Variants in MANSC4 observed in about 807,000 individuals in gnomAD.
MANSC4 encodes the protein MANSC domain-containing protein 4.
Under a neutral mutation model 11.4 loss-of-function variants are expected in MANSC4, and 11 were observed. The observed-to-expected ratio is 0.97, with a 90% CI of 0.61 to 1.60. The LOEUF (loss-of-function observed/expected upper bound fraction) is 1.60. Among genes scored for constraint, MANSC4 ranks in the 40% most tolerant of loss-of-function variants. The probability of loss-of-function intolerance (pLI) is 0.00; values close to 1 mark genes in which losing one functional copy is unlikely to be tolerated. For synonymous variants in MANSC4, 123 were observed against 147.1 expected (o/e 0.84, Z 1.19); for missense variants, 354 against 404.6 (o/e 0.88, Z 1.07).
chr12:27,766,952 T>C (rs2062074979), intron 2 of MANSC4, among the ~76,000 whole-genome samples, 153 bp from the exon 3 acceptor site: 1 of 152,228 alleles, frequency 6.6e-6, no homozygotes, highest in Non-Finnish European at 1.5e-5. Flanking sequence ...TTATAAACTA[T>C]TGTAACTGCT....
rs1334428464 is a variant in MANSC4, at chr12:27,763,399, G to A, written c.365-3C>T. On this transcript the variant is annotated splice_region_variant and splice_polypyrimidine_tract_variant and intron_variant, in intron 3 of 3. Transcript: ENST00000381273. ...AACCAGCAAATCCGGATCTATACCTGAAAAATAAATAAGGCATCATTCATT... is the reference window on the plus strand; with the variant it reads ...AACCAGCAAATCCGGATCTATACCTAAAAAATAAATAAGGCATCATTCATT... 2 of 1,530,572 alleles carry A rather than the reference G, an allele frequency of 1.3e-6. No individual in the cohort carries two copies. Among genetic ancestry groups the A allele is most frequent in the Non-Finnish European group, 1.8e-6 (2 of 1,137,672 alleles). The allele number at this position is 1,530,572 out of a possible 1,614,324, so 94.8% of individuals were successfully genotyped here.
chr12:27,776,219 G>C (rs1038233837), intron 1 of MANSC4, among the ~76,000 whole-genome samples: 1 of 151,732 alleles, frequency 6.6e-6, no homozygotes, highest in African/African-American at 2.4e-5. Context: ...TTCCTCAGCT[G>C]TAAAATATAA....
At chr12:27,768,628 A>T (rs2062085406) in intron 2 of MANSC4, among the ~76,000 whole-genome samples, 1 of 131,698 alleles carries the variant, frequency 7.6e-6, no homozygotes, top group East Asian at 2.3e-4. Flanking sequence ...TCCATTGGCC[A>T]AAAGGTACCG....
Position 27,780,230 on chromosome 12 carries a change from G to T in MANSC4, c.-327C>A. On this transcript the variant is annotated 5_prime_UTR_variant, in exon 1 of 4. Coordinates refer to ENST00000381273, the MANE Select transcript of MANSC4 (RefSeq NM_001146221.5). The surrounding 1 kb of genome is among the most constrained non-coding windows in gnomAD (Gnocchi z 8.8). ...CTCACCTCGCCGCTCCTCCCGGGCC[G>T]CCATCCCTCGGCGCCCCGCCCGGAA... is the stretch of plus-strand genomic sequence containing the variant. 8.5e-7 allele frequency: 1 copy of T among 1,169,938 alleles called. No individual in the cohort carries two copies. The highest frequency in any genetic ancestry group is 2.7e-5 in the South Asian group (1 of 36,764). 72.5% of individuals were successfully genotyped at this position (1,169,938 alleles called of 1,614,324 possible). A position where few individuals can be genotyped will look rare whatever the true frequency, so the allele number is the denominator to read the frequency against.
chr12:27,765,318 T>G (rs1443294633), intron 3 of MANSC4, among the ~76,000 whole-genome samples: 1 of 152,226 alleles, frequency 6.6e-6, no homozygotes, highest in Non-Finnish European at 1.5e-5. Context: ...GCATATAATT[T>G]TCCTGGACTA....
Position 27,762,993 on chromosome 12 carries a change from T to C in MANSC4, c.768A>G (p.Lys256=). Reference sequence around the variant, plus strand: ...ATCCTTTGGTTTTGTTTAGTAATTGTTTGCTACTGTTGAGTCCAGGTGGAA... The same window carrying C: ...ATCCTTTGGTTTTGTTTAGTAATTGCTTGCTACTGTTGAGTCCAGGTGGAA... ...MPVPPGLNSS[K]QLLNKTKGYN... Residue 256 remains lysine (K), a synonymous_variant, in exon 4 of 4, where the codon AAA becomes AAG. Transcript: ENST00000381273. 1 of 1,551,776 alleles carries C rather than the reference T, an allele frequency of 6.4e-7. No homozygotes were observed. Among genetic ancestry groups the C allele is most frequent in the Non-Finnish European group, 8.7e-7 (1 of 1,147,024 alleles).
chr12:27,763,241 G>C lies in MANSC4; in HGVS notation c.520C>G (p.Pro174Ala), dbSNP rs1393159081. 9.0e-6 allele frequency: 14 copies of C among 1,551,674 alleles called. No individual in the cohort carries two copies. In the South Asian group the frequency reaches 1.3e-4, roughly 15 times the overall value. ...INGMLPSTEA[P>A]SSTTHQDLVV... Reference sequence around the variant, plus strand: ...AAATCTTGATGCGTGGTTGAGGATGGAGCCTCTGTGGATGGCAGCATACCA... The same window carrying C: ...AAATCTTGATGCGTGGTTGAGGATGCAGCCTCTGTGGATGGCAGCATACCA... The change falls in exon 4 of 4, where the codon CCA becomes GCA. Residue 174 changes from proline (P) to alanine (A), a missense_variant. Physicochemically the swap from Pro to Ala is conservative, Grantham distance 27. Coordinates refer to ENST00000381273, the MANE Select transcript of MANSC4 (RefSeq NM_001146221.5).
chr12:27,777,330 G>C (rs987677868), intron 1 of MANSC4, among the ~76,000 whole-genome samples: 2 of 152,218 alleles, frequency 1.3e-5, no homozygotes, highest in Non-Finnish European at 2.9e-5. Flanking sequence ...GAGAGACTGA[G>C]AGCCTGTTCT....
chr12:27,763,467 A>C, intron 3 of MANSC4, 71 bp from the exon 4 acceptor site: 1 of 1,417,728 alleles, frequency 7.1e-7, no homozygotes, highest in Non-Finnish European at 9.4e-7. Flanking sequence ...CACAGTTTGG[A>C]GAAGGGGTTG....
chr12:27,767,610 G>A (rs937600499), intron 2 of MANSC4, among the ~76,000 whole-genome samples: 6 of 152,056 alleles, frequency 3.9e-5, no homozygotes, highest in Admixed American at 3.9e-4. Context: ...GGCTGAGGCA[G>A]GAGAATCGCT....
chr12:27,777,675 CTGAG>C (rs2062124160), intron 1 of MANSC4, among the ~76,000 whole-genome samples: 1 of 152,216 alleles, frequency 6.6e-6, no homozygotes, highest in Admixed American at 6.5e-5. Context: ...AAGAAAACAA[CTGAG>C]TAAGTCATAG....
At chr12:27,780,234 TCCCTCGG>T in exon 1 of MANSC4, 1 of 1,198,460 alleles carries the variant, frequency 8.3e-7, no homozygotes, top group Non-Finnish European at 1.1e-6. The surrounding 1 kb of genome is among the most constrained non-coding windows in gnomAD (Gnocchi z 8.8). Context: ...CGGGCCGCCA[TCCCTCGG>T]CGCCCCGCCC....
intron 2 of MANSC4, 147 bp from the exon 3 acceptor site, chr12:27,766,946 A>C (rs2140798436): frequency 4.9e-6 from 4 of 813,396 alleles, no homozygotes; most frequent in Non-Finnish European, 5.7e-6. Flanking sequence ...GAATGTTTAT[A>C]AACTATTGTA....
chr12:27,777,090 A>T (rs571944345), intron 1 of MANSC4, among the ~76,000 whole-genome samples: 3 of 152,238 alleles, frequency 2.0e-5, no homozygotes, highest in African/African-American at 4.8e-5. Flanking sequence ...AGCCAAAAAA[A>T]CTCACAAGAT....
At chr12:27,777,487 A>G (rs1421904905) in intron 1 of MANSC4, among the ~76,000 whole-genome samples, 1 of 152,226 alleles carries the variant, frequency 6.6e-6, no homozygotes, top group Non-Finnish European at 1.5e-5. Context: ...ACCATCCCAA[A>G]GAAGCTGCTA....
At chr12:27,773,653 T>C (rs1177381737) in intron 1 of MANSC4, among the ~76,000 whole-genome samples, 1 of 152,238 alleles carries the variant, frequency 6.6e-6, no homozygotes, top group Non-Finnish European at 1.5e-5. Flanking sequence ...TTCTTATTTT[T>C]ACAAGAGTCC....
At position 27,763,058 on chromosome 12, in the gene MANSC4, A is replaced by C. The variant is rs1476705592; in HGVS notation, c.703T>G (p.Phe235Val). Reference sequence around the variant, plus strand: ...AGTTTTGTGTCTATGGGTTCAAAGAAAGGAGAAATAGTCTTATTATCTGGA... The same window carrying C: ...AGTTTTGTGTCTATGGGTTCAAAGACAGGAGAAATAGTCTTATTATCTGGA... Reference protein sequence around the residue: ...SNPDNKTISPFFEPIDTKLSH... With the variant: ...SNPDNKTISPVFEPIDTKLSH... The change falls in exon 4 of 4, where the codon TTC (phenylalanine) becomes GTC (valine). Residue 235 changes from phenylalanine (F) to valine (V), a missense_variant. Coordinates refer to ENST00000381273, the MANE Select transcript of MANSC4 (RefSeq NM_001146221.5). The C allele has an allele frequency of 1.3e-6, 2 of 1,551,610 alleles. No individual in the cohort carries two copies. The highest frequency in any genetic ancestry group is 1.7e-6 in the Non-Finnish European group (2 of 1,147,012).
At chr12:27,774,980 C>T (rs748103523) in intron 1 of MANSC4, among the ~76,000 whole-genome samples, 10 of 151,736 alleles carry the variant, frequency 6.6e-5, no homozygotes, top group Non-Finnish European at 1.5e-4. Context: ...GCTGAGATCG[C>T]GCCACTGCAC....
chr12:27,771,352 C>G lies in MANSC4; in HGVS notation c.-76G>C. 1 of 1,311,162 alleles carries G rather than the reference C, an allele frequency of 7.6e-7. No homozygotes were observed. The highest frequency in any genetic ancestry group is 1.0e-6 in the Non-Finnish European group (1 of 955,670). The allele number at this position is 1,311,162 out of a possible 1,614,324, so 81.2% of individuals were successfully genotyped here. On this transcript the variant is annotated 5_prime_UTR_variant, in exon 2 of 4. Coordinates refer to ENST00000381273, the MANE Select transcript of MANSC4 (RefSeq NM_001146221.5). Reference sequence around the variant, plus strand: ...GCTGAACACTGGAGTTTAGGACAGTCTCTGGAACGTCAGAGGTGTTGTTAA... The same window carrying G: ...GCTGAACACTGGAGTTTAGGACAGTGTCTGGAACGTCAGAGGTGTTGTTAA...
Sources: allele counts gnomAD v4.1 joint callset (sites outside exome capture counted in the v4.1 genomes callset), GRCh38; gene constraint gnomAD v4.1.1; non-coding constraint Gnocchi (gnomAD v3.1); transcripts MANE v1.5; gene names NCBI Gene and HGNC (gene_info 2026-07-23, HGNC 2026-07-21).